The following SLC10A7 variants were observed in gnomAD, a reference collection of about 807,000 sequenced individuals.
SLC10A7 encodes the protein solute carrier family 10 member 7, also known as sodium/bile acid cotransporter 7.
Under a neutral mutation model 43.2 loss-of-function variants are expected in SLC10A7, and 29 were observed. That is an observed-to-expected ratio of 0.67 (90% CI 0.50 to 0.92). SLC10A7 has a LOEUF of 0.92. SLC10A7 is among the 40% of genes least tolerant of loss of function. The pLI is 0.00. For synonymous variants in SLC10A7, 152 were observed against 144.8 expected, an observed-to-expected ratio of 1.05 and a Z score of -0.35; for missense variants, 295 against 403.2, an observed-to-expected ratio of 0.73 and a Z score of 2.30.
At chr4:146,362,247 G>A (rs1736096929) in intron 5 of SLC10A7, among the ~76,000 whole-genome samples, 1 of 151,898 alleles carries the variant, frequency 6.6e-6, no homozygotes, top group South Asian at 2.1e-4. Context: ...GTAGAAGAAG[G>A]TCAAAGAACA....
chr4:146,456,565 C>T (rs1349394564), intron 4 of SLC10A7, among the ~76,000 whole-genome samples: 1 of 151,940 alleles, frequency 6.6e-6, no homozygotes, highest in Non-Finnish European at 1.5e-5. Flanking sequence ...ACAGAACTTA[C>T]TCAAAGTGCC....
At chr4:146,295,595 G>A (rs1036304444) in intron 7 of SLC10A7, among the ~76,000 whole-genome samples, 1 of 152,092 alleles carries the variant, frequency 6.6e-6, no homozygotes, top group African/African-American at 2.4e-5. Context: ...GGACAACAGT[G>A]CTATAGGTAT....
chr4:146,425,934 A>T (rs1442429448), intron 5 of SLC10A7, among the ~76,000 whole-genome samples: 1 of 152,198 alleles, frequency 6.6e-6, no homozygotes, highest in East Asian at 1.9e-4. Flanking sequence ...ATTCTCACCA[A>T]ATAAACTCCT....
intron 5 of SLC10A7, among the ~76,000 whole-genome samples, chr4:146,404,861 T>C (rs1739474170): frequency 1.3e-5 from 2 of 152,176 alleles, no homozygotes; most frequent in African/African-American, 4.8e-5. Context: ...AAGTCTTTAC[T>C]GATATACATT....
In SLC10A7 at chr4:146,268,024, T is replaced by C. The variant is rs528451676; in HGVS notation, c.848-9187A>G. On this transcript the variant is annotated intron_variant, in intron 10 of 11. Coordinates refer to ENST00000335472, the MANE Select transcript of SLC10A7 (RefSeq NM_001029998.6). ...TAGGGTGATCTCTGTGGGTGGCATA[T>C]GAGGGAAAGGAACATGTTGAAATCC... Among the ~76,000 whole-genome samples the C allele has an allele frequency of 2.0e-3, 309 of 152,252 alleles. 2 individuals carry two copies. The highest frequency in any genetic ancestry group is 6.7e-3 in the African/African-American group (280 of 41,564).
chr4:146,321,236 A>G (rs1023659831), intron 6 of SLC10A7, among the ~76,000 whole-genome samples: 13 of 152,090 alleles, frequency 8.5e-5, no homozygotes, highest in African/African-American at 2.4e-4. Flanking sequence ...CATGTTCCCT[A>G]TGAAATCTAC....
intron 4 of SLC10A7, among the ~76,000 whole-genome samples, chr4:146,467,768 G>C (rs2149954590): frequency 2.0e-5 from 3 of 152,014 alleles, no homozygotes; most frequent in Middle Eastern, 6.8e-3. Context: ...TTGCCATGTT[G>C]GCCAGACTGG....
rs1177081867 is a variant in SLC10A7 at position 146,478,705 on chromosome 4, T to C, written c.396+25144A>G. Reference sequence around the variant, plus strand: ...CCATTATGCCAAATCCCTATCCTATTTCTTCTAGCTGGGATTTTTGAAAGA... The same window carrying C: ...CCATTATGCCAAATCCCTATCCTATCTCTTCTAGCTGGGATTTTTGAAAGA... On this transcript the variant is annotated intron_variant, in intron 4 of 11. Coordinates refer to ENST00000335472, the MANE Select transcript of SLC10A7 (RefSeq NM_001029998.6). 2.0e-5 allele frequency among the ~76,000 whole-genome samples: 3 copies of C among 152,338 alleles called. No individual in the cohort carries two copies. In the East Asian group the frequency reaches 5.8e-4, roughly 29 times the overall value.
intron 5 of SLC10A7, among the ~76,000 whole-genome samples, chr4:146,400,725 T>C (rs1739171249): frequency 1.3e-5 from 2 of 152,010 alleles, no homozygotes; most frequent in Non-Finnish European, 2.9e-5. Context: ...TAGGCTAAGC[T>C]CCAGGTCCTT....
chr4:146,276,564 T>C (rs1330703711), intron 10 of SLC10A7, among the ~76,000 whole-genome samples: 1 of 152,190 alleles, frequency 6.6e-6, no homozygotes, highest in Non-Finnish European at 1.5e-5. Context: ...AATAAAATAA[T>C]AATCTAAATA....
At position 146,256,389 on chromosome 4, in the gene SLC10A7, A is replaced by C; in HGVS notation, c.*102T>G. On this transcript the variant is annotated 3_prime_UTR_variant, in exon 12 of 12. Coordinates refer to ENST00000335472, the MANE Select transcript of SLC10A7 (RefSeq NM_001029998.6). ...TCTCATATTTTTGTGTAAAAAAATA[A>C]AATATGCATTGAGGCAACATTCACA... is the stretch of plus-strand genomic sequence containing the variant. 1 of 1,110,446 alleles carries C rather than the reference A, an allele frequency of 9.0e-7. No homozygotes were observed. The highest frequency in any genetic ancestry group is 1.4e-5 in the South Asian group (1 of 73,676). 68.8% of individuals were successfully genotyped at this position (1,110,446 alleles called of 1,614,324 possible).
chr4:146,305,925 C>T lies in SLC10A7; in HGVS notation c.555+1G>A. On this transcript the variant is annotated splice_donor_variant, in intron 7 of 11. Coordinates refer to ENST00000335472, the MANE Select transcript of SLC10A7 (RefSeq NM_001029998.6). LOFTEE classifies it high-confidence loss of function. ...AGATCAGATAGAATTGGAGGCCTTACCTGTCCAATGATGAGAGGAACCACA... is the reference window on the plus strand; with the variant it reads ...AGATCAGATAGAATTGGAGGCCTTATCTGTCCAATGATGAGAGGAACCACA... 1.2e-6 allele frequency: 2 copies of T among 1,602,412 alleles called. No individual in the cohort carries two copies. Among genetic ancestry groups the T allele is most frequent in the Non-Finnish European group, 1.7e-6 (2 of 1,175,412 alleles).
chr4:146,276,319 C>G (rs1729203227), intron 10 of SLC10A7, among the ~76,000 whole-genome samples: 1 of 152,078 alleles, frequency 6.6e-6, no homozygotes, highest in Non-Finnish European at 1.5e-5. Context: ...CTGAACACTA[C>G]AGTGAAAATT....
intron 4 of SLC10A7, among the ~76,000 whole-genome samples, chr4:146,473,092 C>T (rs1733716412): frequency 6.6e-6 from 1 of 152,178 alleles, no homozygotes; most frequent in Non-Finnish European, 1.5e-5. Flanking sequence ...TACTCCTATA[C>T]TAATGTCTCT....
chr4:146,494,913 T>A (rs1735754063), intron 4 of SLC10A7, among the ~76,000 whole-genome samples: 1 of 152,180 alleles, frequency 6.6e-6, no homozygotes. Flanking sequence ...TAGGGAAATC[T>A]AGGTACGTTT....
intron 4 of SLC10A7, among the ~76,000 whole-genome samples, chr4:146,476,919 G>A (rs985117844): frequency 2.7e-5 from 4 of 148,796 alleles, no homozygotes; most frequent in Admixed American, 6.8e-5. Context: ...ATCACCCTTT[G>A]TCACTGAAGT....
intron 4 of SLC10A7, among the ~76,000 whole-genome samples, chr4:146,490,083 CT>C (rs1271064420): frequency 1.3e-5 from 2 of 151,972 alleles, no homozygotes; most frequent in African/African-American, 4.8e-5. Flanking sequence ...TCATGTCTCT[CT>C]TTATAGACTA....
intron 5 of SLC10A7, among the ~76,000 whole-genome samples, chr4:146,395,276 C>T (rs1473875133): frequency 6.6e-6 from 1 of 152,150 alleles, no homozygotes; most frequent in African/African-American, 2.4e-5. Flanking sequence ...ATAGTCCCAG[C>T]TGTTCAAAAA....
chr4:146,465,727 A>G (rs965463507), intron 4 of SLC10A7, among the ~76,000 whole-genome samples: 1 of 152,246 alleles, frequency 6.6e-6, no homozygotes, highest in East Asian at 1.9e-4. Flanking sequence ...GCATCAGGTA[A>G]CAATTGGACT....
Sources: allele counts gnomAD v4.1 joint callset (sites outside exome capture counted in the v4.1 genomes callset), GRCh38; gene constraint gnomAD v4.1.1; transcripts MANE v1.5; gene names NCBI Gene and HGNC (gene_info 2026-07-23, HGNC 2026-07-21).